The following TOGARAM2 variants were observed in gnomAD, a reference collection of about 807,000 sequenced individuals.
TOGARAM2 encodes the protein TOG array regulator of axonemal microtubules 2, also known as TOG array regulator of axonemal microtubules protein 2.
A neutral mutation model predicts 93.3 loss-of-function variants in TOGARAM2; 85 were observed. The observed-to-expected ratio is 0.91, with a 90% CI of 0.76 to 1.09. TOGARAM2 has a LOEUF of 1.09. Ranked by LOEUF, TOGARAM2 falls within the 50% of genes least tolerant of loss-of-function variation. The pLI, the probability that TOGARAM2 is intolerant of heterozygous loss-of-function variation, is 0.00. For synonymous variants in TOGARAM2, 593 were observed against 552.8 expected (o/e 1.07, Z -1.02); for missense variants, 1,277 against 1,334.5 (o/e 0.96, Z 0.67).
At chr2:28,968,031 C>T (rs916371636) in intron 1 of TOGARAM2, among the ~76,000 whole-genome samples, 1 of 151,970 alleles carries the variant, frequency 6.6e-6, no homozygotes, top group South Asian at 2.1e-4. Flanking sequence ...GTTGGCCAGG[C>T]TGGTCTTGAA....
At chr2:29,000,883 C>T (rs140849518) in intron 4 of TOGARAM2, among the ~76,000 whole-genome samples, 1 of 152,352 alleles carries the variant, frequency 6.6e-6, no homozygotes, top group Non-Finnish European at 1.5e-5. Context: ...GTAGGTACAA[C>T]TCCTAGAGCT....
intron 7 of TOGARAM2, among the ~76,000 whole-genome samples, chr2:29,013,753 G>A (rs1664391787): frequency 6.6e-6 from 1 of 152,200 alleles, no homozygotes; most frequent in Non-Finnish European, 1.5e-5. Context: ...CACCCACACT[G>A]AGGATGGGTC....
At chr2:28,994,984 C>T (rs956984347) in intron 2 of TOGARAM2, 122 bp downstream of exon 2, 2 of 1,249,558 alleles carry the variant, frequency 1.6e-6, no homozygotes, top group Non-Finnish European at 2.3e-6. Context: ...AGATAACAGC[C>T]AGGTGGCCGT....
chr2:28,985,659 C>G (rs141725993), intron 1 of TOGARAM2, among the ~76,000 whole-genome samples: 99 of 152,280 alleles, frequency 6.5e-4, no homozygotes, highest in African/African-American at 2.2e-3. Flanking sequence ...GTTACATACG[C>G]TTTGTTACTA....
At chr2:28,962,802 C>A (rs1671819481) in intron 1 of TOGARAM2, among the ~76,000 whole-genome samples, 1 of 127,904 alleles carries the variant, frequency 7.8e-6, no homozygotes, top group Admixed American at 8.2e-5. Context: ...CCTCCCCTTC[C>A]CTCCCCTTCC....
At chr2:29,015,866 C>A (rs1322616676) in intron 8 of TOGARAM2, among the ~76,000 whole-genome samples, 1 of 152,118 alleles carries the variant, frequency 6.6e-6, no homozygotes, top group African/African-American at 2.4e-5. Context: ...TGCTGGAACT[C>A]CCCCAGCGCT....
At chr2:28,999,033 T>C (rs1397059425) in intron 3 of TOGARAM2, 148 bp from the exon 4 acceptor site, 4 of 798,964 alleles carry the variant, frequency 5.0e-6, no homozygotes, top group Non-Finnish European at 5.8e-6. Context: ...GAATGACTCG[T>C]CCCCAGGAGT....
chr2:29,019,159 T>A (rs868789926), intron 10 of TOGARAM2, among the ~76,000 whole-genome samples: 8 of 151,150 alleles, frequency 5.3e-5, no homozygotes, highest in Middle Eastern at 3.5e-3. Flanking sequence ...ACTATTGATG[T>A]ATATAACCCA....
intron 18 of TOGARAM2, among the ~76,000 whole-genome samples, chr2:29,043,140 C>T (rs1426745975): frequency 6.6e-6 from 1 of 152,218 alleles, no homozygotes; most frequent in African/African-American, 2.4e-5. Context: ...AAAATCTATT[C>T]TTAACGCAAT....
chr2:29,006,842 G>A (rs554131251), intron 6 of TOGARAM2, among the ~76,000 whole-genome samples: 4 of 152,152 alleles, frequency 2.6e-5, no homozygotes, highest in Admixed American at 6.5e-5. Context: ...CCACTCAGAC[G>A]CTGGCCTCTT....
At chr2:28,988,284 A>G (rs1672556991) in intron 1 of TOGARAM2, among the ~76,000 whole-genome samples, 1 of 152,196 alleles carries the variant, frequency 6.6e-6, no homozygotes, top group Non-Finnish European at 1.5e-5. Flanking sequence ...TGTCTCCGTG[A>G]CTGTTCAGAA....
intron 1 of TOGARAM2, among the ~76,000 whole-genome samples, chr2:28,965,301 A>T (rs1393440255): frequency 2.0e-5 from 3 of 151,980 alleles, no homozygotes; most frequent in Non-Finnish European, 4.4e-5. Context: ...CCACTCTGCT[A>T]TTTCTTTTCT....
intron 14 of TOGARAM2, among the ~76,000 whole-genome samples, chr2:29,030,510 G>GC (rs749113688): frequency 2.6e-4 from 40 of 152,020 alleles, no homozygotes; most frequent in Admixed American, 1.4e-3. Context: ...GGTTTTAAAT[G>GC]GTTGTTAGAG....
chr2:28,990,400 TC>T (rs974805420), intron 1 of TOGARAM2, among the ~76,000 whole-genome samples: 5 of 152,238 alleles, frequency 3.3e-5, no homozygotes, highest in African/African-American at 1.2e-4. Context: ...CTTCAGAGTT[TC>T]CCGGGGCTGC....
intron 16 of TOGARAM2, 31 bp from the exon 17 acceptor site, chr2:29,035,433 G>C (rs771040675): frequency 7.5e-7 from 1 of 1,327,410 alleles, no homozygotes; most frequent in African/African-American, 1.5e-5. Flanking sequence ...GCTCTTCCCT[G>C]GGGGGTTCAG....
chr2:29,024,314 C>T lies in TOGARAM2; in HGVS notation c.1793C>T (p.Ala598Val). The change falls in exon 13 of 20, where the codon GCT becomes GTT. Residue 598 changes from alanine (A) to valine (V), a missense_variant. Coordinates refer to ENST00000379558, the MANE Select transcript of TOGARAM2 (RefSeq NM_199280.4). ...IQRAAGQSLR[A>V]MVENVTLARS... is the part of the protein sequence containing the mutation. ...AGAGCAGCCGGCCAGTCTCTGAGGG[C>T]TATGGTGGAGAATGTGACCCTTGCC... The T allele has an allele frequency of 6.2e-7, 1 of 1,613,146 alleles. No individual in the cohort carries two copies. The highest frequency in any genetic ancestry group is 1.1e-5 in the South Asian group (1 of 90,794).
In TOGARAM2 at chr2:28,962,253, G is replaced by A. The variant is rs900078607; in HGVS notation, c.-147+5556G>A. ...TGCACTGTCATGATCTCGGCTCACT[G>A]TAACCTCCATCTCCCGGGTTCAAGC... On this transcript the variant is annotated intron_variant, in intron 1 of 6. Transcript: ENST00000401723. 6.7e-5 allele frequency among the ~76,000 whole-genome samples: 10 copies of A among 150,078 alleles called. No homozygotes were observed. The Admixed American group carries it at 6.7e-4, about 10-fold the overall frequency.
chr2:29,008,355 TGGTTA>T (rs984835481), intron 6 of TOGARAM2, among the ~76,000 whole-genome samples: 11 of 152,166 alleles, frequency 7.2e-5, no homozygotes, highest in African/African-American at 2.7e-4. Context: ...TTCATCACAT[TGGTTA>T]GGCTGGTCTT....
chr2:28,965,464 A>G (rs1671854383), intron 1 of TOGARAM2, among the ~76,000 whole-genome samples: 2 of 152,078 alleles, frequency 1.3e-5, no homozygotes, highest in Non-Finnish European at 2.9e-5. Flanking sequence ...GGGGTTTATC[A>G]TGTGCGTCGC....
Sources: allele counts gnomAD v4.1 joint callset (sites outside exome capture counted in the v4.1 genomes callset), GRCh38; gene constraint gnomAD v4.1.1; transcripts MANE v1.5; gene names NCBI Gene and HGNC (gene_info 2026-07-23, HGNC 2026-07-21).